CTNNA2: variants seen among roughly 807,000 people sequenced by gnomAD.
The protein encoded by CTNNA2 is catenin alpha 2.
A neutral mutation model predicts 101.0 loss-of-function variants in CTNNA2; 42 were observed. The observed-to-expected ratio is 0.42, with a 90% CI of 0.32 to 0.54. The LOEUF (loss-of-function observed/expected upper bound fraction) is 0.54, where lower values mean the gene tolerates loss of function less well. CTNNA2 is among the 20% of genes least tolerant of loss of function. The pLI is 0.14. For synonymous variants in CTNNA2, 450 were observed against 456.4 expected (o/e 0.99, Z 0.18); for missense variants, 871 against 1,223.1 (o/e 0.71, Z 4.29).
At chr2:79,596,338 G>A (rs1372073096) in intron 1 of CTNNA2, among the ~76,000 whole-genome samples, 1 of 151,954 alleles carries the variant, frequency 6.6e-6, no homozygotes, top group Non-Finnish European at 1.5e-5. Context: ...GGGGAAAAAA[G>A]GAGGGCATCA....
intron 2 of CTNNA2, among the ~76,000 whole-genome samples, chr2:79,293,737 G>A (rs867838951): frequency 6.6e-6 from 1 of 152,126 alleles, no homozygotes; most frequent in Non-Finnish European, 1.5e-5. Context: ...ATTAGTGTGG[G>A]TGTCTTTGAA....
At chr2:79,692,864 G>A (rs1684402774) in intron 2 of CTNNA2, among the ~76,000 whole-genome samples, 1 of 131,472 alleles carries the variant, frequency 7.6e-6, no homozygotes, top group African/African-American at 2.9e-5. Flanking sequence ...CACCTACTGG[G>A]TCTGTCGGGG....
chr2:79,675,238 G>A (rs1306772486), intron 2 of CTNNA2, among the ~76,000 whole-genome samples: 1 of 152,160 alleles, frequency 6.6e-6, no homozygotes, highest in African/African-American at 2.4e-5. Context: ...TTGAATAGAA[G>A]CCATTGTAAT....
chr2:79,239,416 A>G (rs1674595371), intron 2 of CTNNA2, among the ~76,000 whole-genome samples: 1 of 152,190 alleles, frequency 6.6e-6, no homozygotes, highest in Admixed American at 6.5e-5. Context: ...AGCCATGTGC[A>G]TAAAATAGAA....
At chr2:79,553,566 G>C (rs1372956128) in intron 1 of CTNNA2, among the ~76,000 whole-genome samples, 5 of 152,168 alleles carry the variant, frequency 3.3e-5, no homozygotes, top group Non-Finnish European at 7.3e-5. Context: ...GGCTGGAGGG[G>C]CCTCAAGAAA....
chr2:79,554,884 G>T (rs1007290980), intron 1 of CTNNA2, among the ~76,000 whole-genome samples: 1 of 152,144 alleles, frequency 6.6e-6, no homozygotes, highest in African/African-American at 2.4e-5. Flanking sequence ...GCATGAAATA[G>T]AAAATCCAAA....
In CTNNA2 at chr2:79,226,332, A is replaced by C. The variant is rs76324111; in HGVS notation, c.-406+28256A>C. On this transcript the variant is annotated intron_variant, in intron 2 of 21. Transcript: ENST00000466387. ...TAAACCTTGACTTTCTCATCTATAAAACTGGAATAGCAATAGAGCCCACCC... is the reference window on the plus strand; with the variant it reads ...TAAACCTTGACTTTCTCATCTATAACACTGGAATAGCAATAGAGCCCACCC... Among the ~76,000 whole-genome samples the C allele has an allele frequency of 4.7e-3, 714 of 152,290 alleles. 3 individuals carry two copies. Among genetic ancestry groups the C allele is most frequent in the African/African-American group, 0.017 (691 of 41,568 alleles).
At chr2:79,729,224 C>T (rs1398056698) in intron 2 of CTNNA2, among the ~76,000 whole-genome samples, 1 of 152,116 alleles carries the variant, frequency 6.6e-6, no homozygotes, top group Non-Finnish European at 1.5e-5. Context: ...ATGTCCGGCA[C>T]CCTTTCCCCT....
chr2:79,620,599 G>A (rs1678932759), intron 1 of CTNNA2, among the ~76,000 whole-genome samples: 1 of 152,160 alleles, frequency 6.6e-6, no homozygotes, highest in South Asian at 2.1e-4. Context: ...ATAGTAAATA[G>A]GACAGAAATA....
intron 7 of CTNNA2, among the ~76,000 whole-genome samples, chr2:80,149,674 C>A (rs1028765792): frequency 3.3e-5 from 5 of 151,942 alleles, no homozygotes; most frequent in East Asian, 3.9e-4. Flanking sequence ...TGTGTAGACA[C>A]TGAAATTTCC....
intron 7 of CTNNA2, among the ~76,000 whole-genome samples, chr2:80,384,804 A>C (rs1440803178): frequency 6.6e-6 from 1 of 152,086 alleles, no homozygotes; most frequent in Non-Finnish European, 1.5e-5. Flanking sequence ...CTCCTCAGAC[A>C]GTGCTCCAGA....
intron 7 of CTNNA2, among the ~76,000 whole-genome samples, chr2:80,292,971 CA>C (rs1398567392): frequency 6.6e-6 from 1 of 152,012 alleles, no homozygotes; most frequent in Non-Finnish European, 1.5e-5. Context: ...AACACTCAGA[CA>C]AAAAATGGCC....
intron 4 of CTNNA2, among the ~76,000 whole-genome samples, chr2:79,468,105 C>T (rs144763896): frequency 2.7e-4 from 41 of 152,128 alleles, no homozygotes; most frequent in African/African-American, 9.9e-4. Context: ...AGAGTCAAGA[C>T]CCATCAGTGT....
chr2:79,290,755 C>T (rs1384763177), intron 2 of CTNNA2, among the ~76,000 whole-genome samples: 1 of 152,150 alleles, frequency 6.6e-6, no homozygotes, highest in Non-Finnish European at 1.5e-5. Flanking sequence ...TCCCTTCCGG[C>T]TTCCCCATCT....
At chr2:79,742,818 C>A (rs946653375) in intron 2 of CTNNA2, among the ~76,000 whole-genome samples, 1 of 152,110 alleles carries the variant, frequency 6.6e-6, no homozygotes, top group Non-Finnish European at 1.5e-5. Context: ...TTCTTAAATT[C>A]ACTCTACCTA....
At chr2:79,379,649 A>G (rs1315410194) in intron 4 of CTNNA2, among the ~76,000 whole-genome samples, 2 of 152,226 alleles carry the variant, frequency 1.3e-5, no homozygotes, top group African/African-American at 4.8e-5. Context: ...ACACTTGTCC[A>G]ACAATTTACT....
At chr2:79,913,743 T>C (rs903003645) in intron 7 of CTNNA2, among the ~76,000 whole-genome samples, 3 of 152,218 alleles carry the variant, frequency 2.0e-5, no homozygotes, top group Non-Finnish European at 4.4e-5. Context: ...TTTATGAACA[T>C]AAAATCAATA....
chr2:80,565,126 CTG>C (rs3834144), intron 12 of CTNNA2, among the ~76,000 whole-genome samples: 10,594 of 152,084 alleles, frequency 0.07, 1,027 homozygotes, highest in African/African-American at 0.21. Context: ...TGAGTAGAAA[CTG>C]TGTTTCTACT....
intron 3 of CTNNA2, among the ~76,000 whole-genome samples, chr2:79,846,673 G>C (rs1346646725): frequency 2.0e-5 from 3 of 152,296 alleles, no homozygotes; most frequent in East Asian, 3.9e-4. Flanking sequence ...TCAGAGTTGA[G>C]AGACCCAGCT....
Sources: gnomAD v4.1 joint callset for allele counts (sites outside exome capture counted in the v4.1 genomes callset) on GRCh38, gnomAD v4.1.1 for gene constraint, MANE v1.5 for transcripts, NCBI Gene and HGNC (gene_info 2026-07-23, HGNC 2026-07-21) for gene names.